Variants in LRP5 observed in about 807,000 individuals in gnomAD.
LRP5 encodes the protein LDL receptor related protein 5, also known as low-density lipoprotein receptor-related protein 5.
A neutral mutation model predicts 154.1 loss-of-function variants in LRP5; 62 were observed. The ratio of observed to expected loss-of-function variants is 0.40; its 90% CI spans 0.33 to 0.50. The LOEUF (loss-of-function observed/expected upper bound fraction) is 0.50. Ranked by LOEUF, LRP5 falls within the 20% of genes least tolerant of loss-of-function variation. The probability of loss-of-function intolerance (pLI) is 0.55; values close to 1 mark genes in which losing one functional copy is unlikely to be tolerated. For missense variants in LRP5, 1,915 were observed against 2,336.7 expected (o/e 0.82, Z 3.72); for synonymous variants, 966 against 1,011.5 (o/e 0.96, Z 0.85).
chr11:68,411,548 A>G lies in LRP5; in HGVS notation c.2431A>G (p.Ile811Val), dbSNP rs758364834. 10 of 1,613,748 alleles carry G rather than the reference A, an allele frequency of 6.2e-6. No individual in the cohort carries two copies. Among genetic ancestry groups the G allele is most frequent in the Middle Eastern group, 3.3e-4 (2 of 6,072 alleles). ...GGTGGGCCGGGCCAACGACCTCACC[A>G]TTGACTACGCTGACCAGCGCCTCTA... ...DKVGRANDLTIDYADQRLYWT... is the reference protein window; with the variant it reads ...DKVGRANDLTVDYADQRLYWT... The change falls in exon 11 of 23, where the codon ATT becomes GTT. Residue 811 changes from isoleucine to valine, a missense_variant. This residue lies in a region of LRP5 where 1,094 missense variants were observed against 1,210.1 expected (regional missense o/e 0.90). Transcript: ENST00000294304.
Position 68,416,339 on chromosome 11 carries a change from T to A in LRP5, c.2839T>A (p.Phe947Ile). 1.2e-6 allele frequency: 2 copies of A among 1,614,062 alleles called. No individual in the cohort carries two copies. Among genetic ancestry groups the A allele is most frequent in the Non-Finnish European group, 8.5e-7 (1 of 1,180,010 alleles). ...TTTGCCTCCTCTAGCGCCCACCACC[T>A]TCTTGCTGTTCAGCCAGAAATCTGC... is the stretch of plus-strand genomic sequence containing the variant. ...SSRNCSPPTT[F>I]LLFSQKSAIS... Residue 947 changes from phenylalanine (F) to isoleucine (I), a missense_variant, in exon 13 of 23, where the codon TTC becomes ATC. This residue lies in a region of LRP5 where 1,094 missense variants were observed against 1,210.1 expected (regional missense o/e 0.90). Transcript: ENST00000294304.
intron 13 of LRP5, among the ~76,000 whole-genome samples, chr11:68,420,812 A>G (rs1426984197): frequency 6.6e-6 from 1 of 152,172 alleles, no homozygotes; most frequent in African/African-American, 2.4e-5. Context: ...TAAGGCCACT[A>G]TGAACATTTC....
At chr11:68,330,673 T>A (rs1469811258) in intron 1 of LRP5, among the ~76,000 whole-genome samples, 2 of 152,246 alleles carry the variant, frequency 1.3e-5, no homozygotes, top group Admixed American at 1.3e-4. Context: ...ATCCTGTCAT[T>A]TGTATCTGTA....
intron 21 of LRP5, among the ~76,000 whole-genome samples, chr11:68,441,046 G>T (rs1409709937): frequency 6.6e-6 from 1 of 152,104 alleles, no homozygotes; most frequent in African/African-American, 2.4e-5. Flanking sequence ...GGGATTACAG[G>T]CGTGAGCCAC....
intron 5 of LRP5, among the ~76,000 whole-genome samples, chr11:68,374,768 C>A (rs753643952): frequency 2.0e-5 from 3 of 152,194 alleles, no homozygotes; most frequent in Non-Finnish European, 2.9e-5. Context: ...TGGAACCACG[C>A]AGCTGTGCTC....
At chr11:68,438,380 G>A (rs2098676193) in intron 19 of LRP5, 66 bp from the exon 20 acceptor site, 1 of 1,433,168 alleles carries the variant, frequency 7.0e-7, no homozygotes, top group African/African-American at 1.4e-5. Context: ...CACGGTGTCT[G>A]CCCCCAAGGA....
chr11:68,346,043 G>A (rs1389360952), intron 1 of LRP5, among the ~76,000 whole-genome samples: 1 of 152,138 alleles, frequency 6.6e-6, no homozygotes, highest in Non-Finnish European at 1.5e-5. Context: ...TTGAGTTTTA[G>A]GAGTTCTCTG....
intron 8 of LRP5, among the ~76,000 whole-genome samples, chr11:68,405,750 A>G (rs928951152): frequency 7.9e-5 from 12 of 152,278 alleles, no homozygotes; most frequent in African/African-American, 2.7e-4. Context: ...TGAAATTAAC[A>G]GACTGGCCAA....
intron 7 of LRP5, among the ~76,000 whole-genome samples, chr11:68,393,460 C>G (rs968799566): frequency 6.6e-6 from 1 of 152,202 alleles, no homozygotes; most frequent in African/African-American, 2.4e-5. Context: ...CTGACTTTAC[C>G]TCCTCACAAA....
In LRP5 at chr11:68,389,896, A is replaced by G. The variant is rs769905219; in HGVS notation, c.1428A>G (p.Thr476=). 1 of 1,614,256 alleles carries G rather than the reference A, an allele frequency of 6.2e-7. No homozygotes were observed. Among genetic ancestry groups the G allele is most frequent in the African/African-American group, 1.3e-5 (1 of 75,078 alleles). ...TCTTCTCCAGCCTCATGTACTGGAC[A>G]GACTGGGGAGAGAACCCTAAAATCG... The part of the protein sequence containing the change: ...LHPVMGLMYW[T]DWGENPKIEC... Residue 476 remains threonine, a synonymous_variant, in exon 7 of 23, where the codon ACA becomes ACG. Transcript: ENST00000294304.
chr11:68,309,580 C>CTTTT (rs35335751), upstream of LRP5, among the ~76,000 whole-genome samples: 1 of 137,132 alleles, frequency 7.3e-6, no homozygotes, highest in African/African-American at 2.7e-5. Context: ...CTTCATAATG[C>CTTTT]TTTTTTTTTT....
chr11:68,418,081 T>C (rs966592284), intron 13 of LRP5, among the ~76,000 whole-genome samples: 2 of 152,140 alleles, frequency 1.3e-5, no homozygotes, highest in Admixed American at 1.3e-4. Context: ...ACAGGTTCAT[T>C]AGTGTAGAAT....
chr11:68,371,909 C>T (rs1188771863), intron 5 of LRP5, among the ~76,000 whole-genome samples: 1 of 152,234 alleles, frequency 6.6e-6, no homozygotes, highest in Admixed American at 6.5e-5. Context: ...CAGTGAAATT[C>T]AGAGTCGGGC....
At chr11:68,318,199 C>T (rs1278803197) in intron 1 of LRP5, among the ~76,000 whole-genome samples, 1 of 151,850 alleles carries the variant, frequency 6.6e-6, no homozygotes, top group East Asian at 1.9e-4. Flanking sequence ...GAACTACAGG[C>T]ACCCGCCACC....
chr11:68,434,154 C>T (rs1009515572), intron 18 of LRP5, among the ~76,000 whole-genome samples: 20 of 152,098 alleles, frequency 1.3e-4, no homozygotes, highest in African/African-American at 4.3e-4. Context: ...CTGGAAAATC[C>T]GCCCCCAAAA....
chr11:68,426,979 G>A (rs142824980), intron 16 of LRP5, among the ~76,000 whole-genome samples: 47 of 152,282 alleles, frequency 3.1e-4, no homozygotes, highest in Non-Finnish European at 5.9e-5. Flanking sequence ...TCCTTGCCCC[G>A]TGGCCCTCTC....
intron 1 of LRP5, among the ~76,000 whole-genome samples, chr11:68,334,120 GC>G (rs1197433536): frequency 2.6e-5 from 4 of 152,202 alleles, no homozygotes; most frequent in Admixed American, 1.3e-4. Context: ...TGTAATCCCA[GC>G]TATTTGAGAA....
the LRP5 span, among the ~76,000 whole-genome samples, chr11:68,301,625 TA>T: frequency 6.8e-6 from 1 of 147,694 alleles, no homozygotes; most frequent in Non-Finnish European, 1.5e-5. Flanking sequence ...CTTATTTATT[TA>T]TTTATTTTTT....
chr11:68,383,794 A>G (rs2098641516), intron 5 of LRP5, among the ~76,000 whole-genome samples: 1 of 152,050 alleles, frequency 6.6e-6, no homozygotes, highest in African/African-American at 2.4e-5. Flanking sequence ...TTTCCTGAGG[A>G]GGAGGTGGCG....
Sources: allele counts gnomAD v4.1 joint callset (sites outside exome capture counted in the v4.1 genomes callset), GRCh38; gene constraint gnomAD v4.1.1; regional missense constraint gnomAD v4.1.1; transcripts MANE v1.5; gene names NCBI Gene and HGNC (gene_info 2026-07-23, HGNC 2026-07-21).